The following ADAM2 variants were observed in gnomAD, a reference collection of about 807,000 sequenced individuals.
The protein encoded by ADAM2 is ADAM metallopeptidase domain 2.
In ADAM2, 101 loss-of-function variants were observed where a neutral mutation model predicts 99.3. That is an observed-to-expected ratio of 1.02 (90% CI 0.87 to 1.20). The LOEUF (loss-of-function observed/expected upper bound fraction) is 1.20. ADAM2 is among the 50% of genes most tolerant of loss of function. The pLI, the probability that ADAM2 is intolerant of heterozygous loss-of-function variation, is 0.00. For missense variants in ADAM2, 948 were observed against 878.7 expected, an observed-to-expected ratio of 1.08 and a Z score of -1.00; for synonymous variants, 323 against 287.6, an observed-to-expected ratio of 1.12 and a Z score of -1.25.
rs35697682 is a variant in ADAM2, at chr8:39,769,403, C to T, written c.1201G>A (p.Gly401Arg). 897 of 1,613,576 alleles carry T rather than the reference C, an allele frequency of 5.6e-4. 9 individuals carry two copies. In the African/African-American group the frequency reaches 1.0e-2, roughly 18 times the overall value. The change falls in exon 12 of 21, where the codon GGG becomes AGG. Residue 401 changes from glycine to arginine, a missense_variant. By Grantham distance (125) the Gly-to-Arg change is moderately radical. Coordinates refer to ENST00000265708, the MANE Select transcript of ADAM2 (RefSeq NM_001464.5). ...KLEAGEECDC[G>R]TEQDCALIGE... ...GAATTAGTACCAACCTGTTCAGTCC[C>T]ACAGTCACACTCCTCTCCTGCTTCC...
chr8:39,799,005 A>AT (rs139259637), intron 7 of ADAM2, among the ~76,000 whole-genome samples: 1 of 151,768 alleles, frequency 6.6e-6, no homozygotes, highest in Non-Finnish European at 1.5e-5. Flanking sequence ...GGATTCATTG[A>AT]TTTTTTTGGA....
At chr8:39,755,337 T>C (rs573676829) in intron 16 of ADAM2, among the ~76,000 whole-genome samples, 59 of 152,332 alleles carry the variant, frequency 3.9e-4, no homozygotes, top group African/African-American at 1.4e-3. Flanking sequence ...GTATTGAATA[T>C]GCACTTAAAT....
chr8:39,763,772 GAAGTA>G (rs1003048784), intron 14 of ADAM2, among the ~76,000 whole-genome samples: 44 of 152,210 alleles, frequency 2.9e-4, no homozygotes, highest in African/African-American at 1.0e-3. Flanking sequence ...TTTCGGCAGT[GAAGTA>G]AAGAATCTGA....
At chr8:39,748,268 A>C (rs1014450946) in intron 18 of ADAM2, among the ~76,000 whole-genome samples, 3 of 152,168 alleles carry the variant, frequency 2.0e-5, no homozygotes, top group Non-Finnish European at 2.9e-5. Flanking sequence ...TTCACATTTT[A>C]TTGATCAATC....
intron 9 of ADAM2, among the ~76,000 whole-genome samples, chr8:39,787,540 C>A (rs912791436): frequency 3.9e-4 from 47 of 121,342 alleles, no homozygotes; most frequent in African/African-American, 1.6e-3. Context: ...AACTCTCTCT[C>A]TCTATATATA....
chr8:39,761,308 A>G (rs1554520478), intron 14 of ADAM2, 27 bp from the exon 15 acceptor site: 2 of 1,352,252 alleles, frequency 1.5e-6, no homozygotes, highest in Non-Finnish European at 2.1e-6. Flanking sequence ...GAGGTTAGTC[A>G]TATTAAACTT....
At chr8:39,759,356 C>A (rs1425682271) in intron 15 of ADAM2, among the ~76,000 whole-genome samples, 8 of 151,476 alleles carry the variant, frequency 5.3e-5, no homozygotes, top group African/African-American at 1.9e-4. Flanking sequence ...TTAAAAAAAA[C>A]TAATAAAAAG....
At chr8:39,821,233 C>T in intron 5 of ADAM2, 63 bp from the exon 6 acceptor site, 2 of 1,110,294 alleles carry the variant, frequency 1.8e-6, no homozygotes, top group East Asian at 2.5e-5. Flanking sequence ...CAATAAAATG[C>T]CACTTAGCAT....
At chr8:39,778,897 C>T (rs1413367638) in intron 10 of ADAM2, among the ~76,000 whole-genome samples, 5 of 152,018 alleles carry the variant, frequency 3.3e-5, no homozygotes, top group Non-Finnish European at 7.4e-5. Context: ...CCCATAAATG[C>T]ATCTTTATAC....
intron 10 of ADAM2, among the ~76,000 whole-genome samples, chr8:39,780,233 G>GA: frequency 6.6e-6 from 1 of 152,118 alleles, no homozygotes; most frequent in East Asian, 1.9e-4. Context: ...AACAGCATGG[G>GA]AAAGACTCAC....
At chr8:39,834,466 A>G (rs1265335641) in intron 2 of ADAM2, among the ~76,000 whole-genome samples, 1 of 151,860 alleles carries the variant, frequency 6.6e-6, no homozygotes, top group Non-Finnish European at 1.5e-5. Context: ...TTAAAGGAAA[A>G]CCTCACGCCT....
intron 18 of ADAM2, among the ~76,000 whole-genome samples, chr8:39,747,406 G>A (rs1397480395): frequency 6.6e-6 from 1 of 152,104 alleles, no homozygotes; most frequent in Non-Finnish European, 1.5e-5. Flanking sequence ...GAAATGACCA[G>A]TTTAAAATTC....
chr8:39,821,925 T>A (rs1805204162), intron 4 of ADAM2, among the ~76,000 whole-genome samples: 1 of 152,290 alleles, frequency 6.6e-6, no homozygotes, highest in Middle Eastern at 3.4e-3. Context: ...GAGGTAAACA[T>A]CATCAAAACT....
chr8:39,777,418 C>T (rs1426249390), intron 10 of ADAM2, among the ~76,000 whole-genome samples: 1 of 151,894 alleles, frequency 6.6e-6, no homozygotes. Context: ...AATTTGTTAG[C>T]TATGTCTAAC....
chr8:39,804,789 GC>G (rs545586699), intron 7 of ADAM2, among the ~76,000 whole-genome samples: 33 of 152,116 alleles, frequency 2.2e-4, no homozygotes, highest in South Asian at 4.2e-4. Context: ...CATATTTTTG[GC>G]TTCTGAATGC....
intron 7 of ADAM2, among the ~76,000 whole-genome samples, chr8:39,792,840 A>G (rs1803777610): frequency 6.6e-6 from 1 of 152,136 alleles, no homozygotes; most frequent in Non-Finnish European, 1.5e-5. Context: ...GAGCCCATAC[A>G]TAGAAAATGC....
At chr8:39,808,195 C>G (rs575692919) in intron 7 of ADAM2, among the ~76,000 whole-genome samples, 1 of 148,960 alleles carries the variant, frequency 6.7e-6, no homozygotes, top group Non-Finnish European at 1.5e-5. Context: ...GGAATACACA[C>G]ACACACACAC....
chr8:39,767,504 T>A (rs1802618286), intron 12 of ADAM2, among the ~76,000 whole-genome samples: 1 of 152,212 alleles, frequency 6.6e-6, no homozygotes, highest in South Asian at 2.1e-4. Flanking sequence ...TCTGAAGCCC[T>A]GGGGTCCACC....
intron 11 of ADAM2, among the ~76,000 whole-genome samples, chr8:39,769,888 TC>T (rs1802711178): frequency 2.0e-5 from 3 of 152,170 alleles, no homozygotes; most frequent in Non-Finnish European, 4.4e-5. Flanking sequence ...TTTTATAACT[TC>T]TAAGTGCTGG....
Sources: allele counts gnomAD v4.1 joint callset (sites outside exome capture counted in the v4.1 genomes callset), GRCh38; gene constraint gnomAD v4.1.1; transcripts MANE v1.5; gene names NCBI Gene and HGNC (gene_info 2026-07-23, HGNC 2026-07-21).